Variants in OTUD7A observed in about 807,000 individuals in gnomAD.
OTUD7A encodes the protein OTU deubiquitinase 7A.
Under a neutral mutation model 65.7 loss-of-function variants are expected in OTUD7A, and 12 were observed. That is an observed-to-expected ratio of 0.18 (90% CI 0.12 to 0.30). The LOEUF is 0.30. Among genes scored for constraint, OTUD7A ranks in the 10% least tolerant of loss-of-function variants. OTUD7A has a pLI of 1.00. For synonymous variants in OTUD7A, 641 were observed against 586.3 expected (o/e 1.09, Z -1.35); for missense variants, 1,148 against 1,304.8 (o/e 0.88, Z 1.85).
At chr15:31,622,331 T>G (rs543298923) in intron 3 of OTUD7A, among the ~76,000 whole-genome samples, 149 of 152,312 alleles carry the variant, frequency 9.8e-4, no homozygotes, top group Admixed American at 4.9e-3. Flanking sequence ...GTTGGGGAAG[T>G]TCTCCTGGAT....
chr15:31,673,440 C>T (rs1185359739), intron 1 of OTUD7A, among the ~76,000 whole-genome samples: 1 of 152,206 alleles, frequency 6.6e-6, no homozygotes, highest in African/African-American at 2.4e-5. Context: ...GAAAAGATCA[C>T]CTTACACGAG....
chr15:31,543,816 C>T (rs1445239501), intron 5 of OTUD7A, among the ~76,000 whole-genome samples: 1 of 151,836 alleles, frequency 6.6e-6, no homozygotes, highest in Admixed American at 6.6e-5. Flanking sequence ...GATTTTAACA[C>T]ATCTCTATCG....
intron 3 of OTUD7A, among the ~76,000 whole-genome samples, chr15:31,577,337 C>G (rs1889232327): frequency 6.6e-6 from 1 of 152,164 alleles, no homozygotes; most frequent in African/African-American, 2.4e-5. Flanking sequence ...TCGGCTTCCA[C>G]AATCCCCTTA....
chr15:31,778,951 A>C (rs1438356692), intron 1 of OTUD7A, among the ~76,000 whole-genome samples: 1 of 152,248 alleles, frequency 6.6e-6, no homozygotes, highest in Non-Finnish European at 1.5e-5. Context: ...AGCACTGTGG[A>C]AGAAAAACTA....
intron 10 of OTUD7A, among the ~76,000 whole-genome samples, chr15:31,489,423 G>A (rs953503439): frequency 1.3e-5 from 2 of 152,198 alleles, no homozygotes; most frequent in Non-Finnish European, 2.9e-5. Context: ...GGGTCTGGCT[G>A]TCCACCCGCT....
chr15:31,621,982 T>C (rs1024221060), intron 3 of OTUD7A, among the ~76,000 whole-genome samples: 2 of 152,236 alleles, frequency 1.3e-5, no homozygotes, highest in African/African-American at 2.4e-5. Context: ...TCTCTCAGCA[T>C]TGGCTTGTCT....
At chr15:31,842,233 T>G (rs1897199966) in intron 1 of OTUD7A, among the ~76,000 whole-genome samples, 1 of 152,228 alleles carries the variant, frequency 6.6e-6, no homozygotes, top group Admixed American at 6.5e-5. Flanking sequence ...CAGGGGGGTA[T>G]GAGGGGCTCC....
chr15:31,622,347 C>G (rs1451235706), intron 3 of OTUD7A, among the ~76,000 whole-genome samples: 1 of 152,168 alleles, frequency 6.6e-6, no homozygotes, highest in South Asian at 2.1e-4. Context: ...TGGATAATAT[C>G]CTGCAGAGTG....
chr15:31,674,573 T>C (rs1892554798), intron 1 of OTUD7A, among the ~76,000 whole-genome samples: 1 of 152,086 alleles, frequency 6.6e-6, no homozygotes, highest in African/African-American at 2.4e-5. Context: ...ACAGACAAAA[T>C]TCCTAGCACC....
chr15:31,620,363 T>G (rs1324748245), intron 3 of OTUD7A, among the ~76,000 whole-genome samples: 2 of 152,176 alleles, frequency 1.3e-5, no homozygotes, highest in Admixed American at 1.3e-4. Context: ...TCCTTTTACC[T>G]CTGGTAGAAT....
intron 1 of OTUD7A, among the ~76,000 whole-genome samples, chr15:31,764,760 T>A (rs1377073488): frequency 6.6e-6 from 1 of 152,186 alleles, no homozygotes; most frequent in Non-Finnish European, 1.5e-5. Flanking sequence ...TCAATTAGTA[T>A]AAATTAGGCC....
At chr15:31,653,815 G>A (rs1359912305) in intron 3 of OTUD7A, among the ~76,000 whole-genome samples, 1 of 152,100 alleles carries the variant, frequency 6.6e-6, no homozygotes, top group African/African-American at 2.4e-5. Flanking sequence ...CTTCCTATAA[G>A]GCTGTCTAGA....
intron 2 of OTUD7A, among the ~76,000 whole-genome samples, chr15:31,655,679 T>C (rs1445884662): frequency 6.6e-6 from 1 of 152,196 alleles, no homozygotes; most frequent in Non-Finnish European, 1.5e-5. Flanking sequence ...TTCATAAGCC[T>C]CCCAAGCTAT....
intron 1 of OTUD7A, among the ~76,000 whole-genome samples, chr15:31,827,637 G>A (rs977737935): frequency 6.6e-6 from 1 of 152,112 alleles, no homozygotes; most frequent in South Asian, 2.1e-4. Flanking sequence ...CTCTTTGTTA[G>A]AAAATCAGGC....
chr15:31,721,275 C>T (rs1177566998), intron 1 of OTUD7A, among the ~76,000 whole-genome samples: 2 of 152,192 alleles, frequency 1.3e-5, no homozygotes, highest in African/African-American at 4.8e-5. Flanking sequence ...TTGAGGTCAG[C>T]AGGGTGCAAT....
rs558277037 is a variant in OTUD7A, at chr15:31,681,674, C to T, written c.-99-24597G>A. On this transcript the variant is annotated intron_variant, in intron 1 of 12. Transcript: ENST00000307050. ...CTAATAATGACTGTCTAATTTCTCT[C>T]TGACAGTCTAATTTCTATTGACCAC... is the stretch of plus-strand genomic sequence containing the variant. Among the ~76,000 whole-genome samples, 106 of 151,952 alleles carry T rather than the reference C, an allele frequency of 7.0e-4. 1 individual carries two copies. Among genetic ancestry groups the T allele is most frequent in the East Asian group, 2.5e-3 (13 of 5,180 alleles).
chr15:31,694,414 C>T lies in OTUD7A; in HGVS notation c.-99-37337G>A, dbSNP rs560602817. On this transcript the variant is annotated intron_variant, in intron 1 of 12. Transcript: ENST00000307050. ...GCCCAGATCCCCTCAAGCCCCCTTC[C>T]CCCGGGAAACCTTTGCTCATCATTC... 2.0e-5 allele frequency among the ~76,000 whole-genome samples: 3 copies of T among 152,302 alleles called. No individual in the cohort carries two copies. In the East Asian group the frequency reaches 5.8e-4, roughly 29 times the overall value.
intron 5 of OTUD7A, among the ~76,000 whole-genome samples, chr15:31,536,140 G>A (rs1450573631): frequency 1.3e-5 from 2 of 152,190 alleles, no homozygotes; most frequent in Non-Finnish European, 2.9e-5. Context: ...CGAGGCAAAG[G>A]TAATCTCCAG....
At chr15:31,560,974 A>C (rs1888668894) in intron 4 of OTUD7A, among the ~76,000 whole-genome samples, 1 of 152,270 alleles carries the variant, frequency 6.6e-6, no homozygotes, top group South Asian at 2.1e-4. Context: ...AAAAAGCATA[A>C]GCTTTTGATC....
Sources: gnomAD v4.1 joint callset for allele counts (sites outside exome capture counted in the v4.1 genomes callset) on GRCh38, gnomAD v4.1.1 for gene constraint, MANE v1.5 for transcripts, NCBI Gene and HGNC (gene_info 2026-07-23, HGNC 2026-07-21) for gene names.